Variants in CENPM observed in about 807,000 individuals in gnomAD.
The protein encoded by CENPM is centromere protein M.
CENPM carries 14 observed loss-of-function variants against 19.6 expected under a neutral mutation model. The ratio of observed to expected loss-of-function variants is 0.71; its 90% CI spans 0.47 to 1.11. The LOEUF is 1.11. CENPM is among the 50% of genes most tolerant of loss of function. The probability of loss-of-function intolerance (pLI) is 0.00; values close to 1 mark genes in which losing one functional copy is unlikely to be tolerated. For missense variants in CENPM, 239 were observed against 228.4 expected, an observed-to-expected ratio of 1.05 and a Z score of -0.30; for synonymous variants, 114 against 101.5, an observed-to-expected ratio of 1.12 and a Z score of -0.74.
At chr22:41,932,103 G>C in the CENPM span, among the ~76,000 whole-genome samples, 1 of 152,004 alleles carries the variant, frequency 6.6e-6, no homozygotes, top group Non-Finnish European at 1.5e-5. This position sits in a 1 kb window ranked among gnomAD's most constrained non-coding sequence, Gnocchi z 4.3. Flanking sequence ...CCGTGTTCCA[G>C]GAATGGGGTC....
At position 41,944,125 on chromosome 22, in the gene CENPM, G is replaced by A. The variant is rs537726624; in HGVS notation, c.311-424C>T. 5.5e-5 allele frequency: 54 copies of A among 985,386 alleles called. No individual in the cohort carries two copies. The Admixed American group carries it at 2.0e-3, about 36-fold the overall frequency. The allele number at this position is 985,386 out of a possible 1,614,324, so 61.0% of individuals were successfully genotyped here. A position where few individuals can be genotyped will look rare whatever the true frequency, so the allele number is the denominator to read the frequency against. On this transcript the variant is annotated intron_variant, in intron 4 of 5. Transcript: ENST00000215980. ...GTTAGCAAGACAAAGAAGAGGAAAT[G>A]TATTTGACAGAAGCCTAGAGTAAAC... is the stretch of plus-strand genomic sequence containing the variant.
chr22:41,946,250 G>A, intron 2 of CENPM, 167 bp downstream of exon 2: 2 of 666,912 alleles, frequency 3.0e-6, no homozygotes, highest in Non-Finnish European at 5.2e-6. Context: ...ACCTCGGCAA[G>A]GGGAGGTTGG....
At chr22:41,930,057 C>G in the CENPM span, among the ~76,000 whole-genome samples, 1 of 150,426 alleles carries the variant, frequency 6.6e-6, no homozygotes, top group Non-Finnish European at 1.5e-5. Context: ...CATTCTCCTG[C>G]CTCAGCCTCC....
At position 41,947,107 on chromosome 22, in the gene CENPM, G is replaced by A. The variant is rs767420205; in HGVS notation, c.-31C>T. 3 of 1,609,428 alleles carry A rather than the reference G, an allele frequency of 1.9e-6. No individual in the cohort carries two copies. Among genetic ancestry groups the A allele is most frequent in the East Asian group, 2.2e-5 (1 of 44,782 alleles). Reference sequence around the variant, plus strand: ...CCGCAGGACCAACCGTTGCTCCTGCGGTGCGCGCCGATCTTTCAAACCGCC... The same window carrying A: ...CCGCAGGACCAACCGTTGCTCCTGCAGTGCGCGCCGATCTTTCAAACCGCC... On this transcript the variant is annotated 5_prime_UTR_variant, in exon 1 of 6. Transcript: ENST00000215980.
intron 1 of CENPM, 23 bp from the exon 2 acceptor site, chr22:41,946,519 CAGTCG>C: frequency 6.2e-7 from 1 of 1,607,628 alleles, no homozygotes; most frequent in Non-Finnish European, 8.5e-7. Context: ...AGAGAGCGGA[CAGTCG>C]AGCCCTAGGC....
chr22:41,938,782 A>C lies in CENPM; in HGVS notation c.*274T>G. On this transcript the variant is annotated 3_prime_UTR_variant, in exon 6 of 6. Coordinates refer to ENST00000215980, the MANE Select transcript of CENPM (RefSeq NM_024053.5). Reference sequence around the variant, plus strand: ...GCCACAGACCTTTTGTTCAAAGGAAACCTTAAATGGAGATGTAACACGCCA... The same window carrying C: ...GCCACAGACCTTTTGTTCAAAGGAACCCTTAAATGGAGATGTAACACGCCA... The C allele has an allele frequency of 2.5e-6, 1 of 400,530 alleles. No individual in the cohort carries two copies. The allele number at this position is 400,530 out of a possible 1,614,324, so 24.8% of individuals were successfully genotyped here. A position where few individuals can be genotyped will look rare whatever the true frequency, so the allele number is the denominator to read the frequency against.
the CENPM span, among the ~76,000 whole-genome samples, chr22:41,933,358 G>A: frequency 6.6e-6 from 1 of 152,216 alleles, no homozygotes; most frequent in East Asian, 1.9e-4. Context: ...GCAGGGAGAG[G>A]GGGTGGGGGT....
rs538822607 is a variant in CENPM at position 41,944,996 on chromosome 22, G to T, written c.310+229C>A. On this transcript the variant is annotated intron_variant, in intron 4 of 5. Transcript: ENST00000215980. The stretch of plus-strand genomic sequence containing the variant: ...GATTTGTTATGTAGTTAAAACTTGT[G>T]TCATGGGGTTTGTTGTACAGATCAT... 82 of 1,365,620 alleles carry T rather than the reference G, an allele frequency of 6.0e-5. No individual in the cohort carries two copies. The African/African-American group carries it at 9.8e-4, about 16-fold the overall frequency. The allele number at this position is 1,365,620 out of a possible 1,614,324, so 84.6% of individuals were successfully genotyped here. A position where few individuals can be genotyped will look rare whatever the true frequency, so the allele number is the denominator to read the frequency against.
intron 5 of CENPM, among the ~76,000 whole-genome samples, chr22:41,942,321 C>T (rs973460943): frequency 3.9e-5 from 6 of 152,194 alleles, no homozygotes; most frequent in African/African-American, 9.7e-5. Flanking sequence ...GCATAAAAAG[C>T]GGCTAAAGGC....
chr22:41,943,559 C>G, intron 5 of CENPM, 51 bp downstream of exon 5: 1 of 1,530,442 alleles, frequency 6.5e-7, no homozygotes, highest in Non-Finnish European at 9.0e-7. Flanking sequence ...TGCTGACCAC[C>G]CTTTCCCCGC....
chr22:41,930,264 C>G, the CENPM span, among the ~76,000 whole-genome samples: 1 of 151,452 alleles, frequency 6.6e-6, no homozygotes, highest in East Asian at 1.9e-4. Context: ...GAGTCTGGCT[C>G]TGTCACCCAG....
chr22:41,946,816 G>T, intron 1 of CENPM: 1 of 615,322 alleles, frequency 1.6e-6, no homozygotes, highest in Admixed American at 2.9e-5. Flanking sequence ...GAAAGGGTCC[G>T]CCGAGCACCT....
chr22:41,939,305 T>C, intron 5 of CENPM, 109 bp from the exon 6 acceptor site: 1 of 1,363,400 alleles, frequency 7.3e-7, no homozygotes, highest in Non-Finnish European at 9.8e-7. Flanking sequence ...TACTTGGGGG[T>C]AGCTCAGGTC....
At chr22:41,928,991 C>A in the CENPM span, among the ~76,000 whole-genome samples, 1 of 152,038 alleles carries the variant, frequency 6.6e-6, no homozygotes, top group African/African-American at 2.4e-5. This position sits in a 1 kb window ranked among gnomAD's most constrained non-coding sequence, Gnocchi z 4.0. Flanking sequence ...CGCTGGCCCA[C>A]CCTCTCCATC....
the CENPM span, among the ~76,000 whole-genome samples, chr22:41,930,221 G>A: frequency 5.4e-5 from 8 of 148,390 alleles, no homozygotes; most frequent in Non-Finnish European, 1.2e-4. Context: ...GATTACAGAC[G>A]TGAGCCACCG....
At chr22:41,936,011 C>T (rs1189464667), downstream of CENPM, among the ~76,000 whole-genome samples, 2 of 152,116 alleles carry the variant, frequency 1.3e-5, no homozygotes, top group African/African-American at 4.8e-5. Flanking sequence ...GCTGGGATTA[C>T]AGGCGCATGG....
chr22:41,936,058 C>T (rs1398325800), downstream of CENPM, among the ~76,000 whole-genome samples: 4 of 152,076 alleles, frequency 2.6e-5, no homozygotes, highest in South Asian at 2.1e-4. Context: ...TTAGTAAAGG[C>T]GGGGTTTCAC....
chr22:41,930,291 G>A, the CENPM span, among the ~76,000 whole-genome samples: 1,256 of 150,812 alleles, frequency 8.3e-3, 19 homozygotes, highest in African/African-American at 0.026. Flanking sequence ...GTGCAGTGGC[G>A]TGATCTCGGC....
chr22:41,931,548 C>T, the CENPM span, among the ~76,000 whole-genome samples: 27 of 151,320 alleles, frequency 1.8e-4, no homozygotes, highest in African/African-American at 5.6e-4. Flanking sequence ...GGGTTTCTGT[C>T]GATTTTTGTG....
Sources: allele counts gnomAD v4.1 joint callset (sites outside exome capture counted in the v4.1 genomes callset), GRCh38; gene constraint gnomAD v4.1.1; non-coding constraint Gnocchi (gnomAD v3.1); transcripts MANE v1.5; gene names NCBI Gene and HGNC (gene_info 2026-07-23, HGNC 2026-07-21).